The following SECISBP2L variants were observed in gnomAD, a reference collection of about 807,000 sequenced individuals.
SECISBP2L encodes SECIS binding protein 2 like, also known as selenocysteine insertion sequence-binding protein 2-like.
SECISBP2L carries 43 observed loss-of-function variants against 114.7 expected under a neutral mutation model. The observed-to-expected ratio is 0.38, with a 90% CI of 0.29 to 0.48. The LOEUF is 0.48. Among genes scored for constraint, SECISBP2L ranks in the 20% least tolerant of loss-of-function variants. The pLI is 0.98. For synonymous variants in SECISBP2L, 451 were observed against 439.7 expected (o/e 1.03, Z -0.32); for missense variants, 1,136 against 1,301.1 (o/e 0.87, Z 1.95).
chr15:49,042,559 C>T (rs755863972), intron 1 of SECISBP2L: 1 of 152,194 alleles, frequency 6.6e-6, no homozygotes, highest in Non-Finnish European at 1.5e-5. Context: ...CACTACAGTC[C>T]AGAACACCGA....
intron 1 of SECISBP2L, among the ~76,000 whole-genome samples, chr15:49,040,559 G>A (rs1418689760): frequency 5.3e-5 from 5 of 94,964 alleles, no homozygotes; most frequent in Non-Finnish European, 8.4e-5. Flanking sequence ...TTTTTGAGAC[G>A]GAGTCTTGCT....
At chr15:49,012,561 GC>G in intron 12 of SECISBP2L, 86 bp downstream of exon 12, 1 of 1,364,916 alleles carries the variant, frequency 7.3e-7, no homozygotes, top group Non-Finnish European at 1.0e-6. Flanking sequence ...CAATCTGTTG[GC>G]TAAGACACCA....
chr15:48,992,231 G>T lies in SECISBP2L; in HGVS notation c.*13C>A. 6.3e-7 allele frequency: 1 copy of T among 1,580,344 alleles called. No homozygotes were observed. The highest frequency in any genetic ancestry group is 1.1e-5 in the South Asian group (1 of 87,456). ...CTTCCACAGCTGGAGATAGAGAGCC[G>T]ACATTTCCTGAGTTACGTAGTTTGC... On this transcript the variant is annotated 3_prime_UTR_variant, in exon 18 of 18. Transcript: ENST00000559471.
intron 7 of SECISBP2L, among the ~76,000 whole-genome samples, chr15:49,025,249 C>A (rs1902717284): frequency 6.6e-6 from 1 of 151,768 alleles, no homozygotes; most frequent in Non-Finnish European, 1.5e-5. Flanking sequence ...TTTTTGACAG[C>A]CTAATTAATG....
chr15:49,008,641 A>G (rs1177767061), intron 14 of SECISBP2L, among the ~76,000 whole-genome samples: 1 of 152,208 alleles, frequency 6.6e-6, no homozygotes, highest in Non-Finnish European at 1.5e-5. Flanking sequence ...ATTCTTTCAT[A>G]TGTCATTTTT....
Position 49,016,945 on chromosome 15 carries a change from G to A in SECISBP2L, c.1322C>T (p.Pro441Leu). ...QTPIPITTSVPKRAKSQKKKA... is the reference protein window; with the variant it reads ...QTPIPITTSVLKRAKSQKKKA... ...CTTCTTCTGACTTTTTGCACGTTTGGGAACTGAGGTGGTAATAGGAATTGG... is the reference window on the plus strand; with the variant it reads ...CTTCTTCTGACTTTTTGCACGTTTGAGAACTGAGGTGGTAATAGGAATTGG... The change falls in exon 10 of 18, where the codon CCC becomes CTC. Residue 441 changes from proline to leucine, a missense_variant. Pro to Leu is a moderately conservative substitution (Grantham distance 98). Coordinates refer to ENST00000559471, the MANE Select transcript of SECISBP2L (RefSeq NM_001193489.2). 1 of 1,613,968 alleles carries A rather than the reference G, an allele frequency of 6.2e-7. No individual in the cohort carries two copies. The highest frequency in any genetic ancestry group is 8.5e-7 in the Non-Finnish European group (1 of 1,179,932).
intron 14 of SECISBP2L, among the ~76,000 whole-genome samples, chr15:49,001,503 G>A (rs1902209146): frequency 6.7e-6 from 1 of 149,726 alleles, no homozygotes; most frequent in Admixed American, 6.6e-5. Context: ...CTGGGATACA[G>A]GTGCAGAACA....
intron 14 of SECISBP2L, among the ~76,000 whole-genome samples, chr15:49,007,976 T>C (rs995379968): frequency 2.6e-5 from 4 of 152,210 alleles, no homozygotes; most frequent in African/African-American, 9.6e-5. Flanking sequence ...TGAGATTATG[T>C]ATGACTATAG....
At chr15:49,006,480 G>C (rs1029411955) in intron 14 of SECISBP2L, among the ~76,000 whole-genome samples, 2 of 151,934 alleles carry the variant, frequency 1.3e-5, no homozygotes, top group African/African-American at 4.8e-5. Flanking sequence ...TTGTCTTCAC[G>C]ATTTATTTCA....
intron 11 of SECISBP2L, among the ~76,000 whole-genome samples, chr15:49,015,840 T>C (rs985750655): frequency 1.3e-5 from 2 of 152,058 alleles, no homozygotes; most frequent in African/African-American, 4.8e-5. Flanking sequence ...AGAAAAAAAT[T>C]TGGGTGAGTC....
intron 17 of SECISBP2L, 120 bp from the exon 18 acceptor site, chr15:48,993,046 G>T: frequency 1.1e-6 from 1 of 872,046 alleles, no homozygotes; most frequent in Non-Finnish European, 1.7e-6. Context: ...CTTAGAAACT[G>T]ACTGGAAAAA....
At chr15:49,023,662 T>C (rs1321283054) in intron 7 of SECISBP2L, among the ~76,000 whole-genome samples, 1 of 152,230 alleles carries the variant, frequency 6.6e-6, no homozygotes, top group African/African-American at 2.4e-5. Context: ...AACAAGATTA[T>C]ATCCACACAA....
At chr15:49,027,511 T>G (rs1236276835) in intron 6 of SECISBP2L, 31 bp from the exon 7 acceptor site, 1 of 1,395,220 alleles carries the variant, frequency 7.2e-7, no homozygotes. Flanking sequence ...AATTATAATT[T>G]ACTTATAAAA....
intron 12 of SECISBP2L, 89 bp downstream of exon 12, chr15:49,012,559 T>C (rs984747677): frequency 7.5e-7 from 1 of 1,331,286 alleles, no homozygotes; most frequent in Admixed American, 2.0e-5. Flanking sequence ...AACAATCTGT[T>C]GGCTAAGACA....
chr15:49,023,055 T>G (rs1902672487), intron 7 of SECISBP2L, among the ~76,000 whole-genome samples: 1 of 151,290 alleles, frequency 6.6e-6, no homozygotes, highest in African/African-American at 2.4e-5. Context: ...TAAAGTCAAT[T>G]TATAAATATA....
intron 2 of SECISBP2L, among the ~76,000 whole-genome samples, chr15:49,036,049 C>G (rs141926415): frequency 7.2e-4 from 109 of 152,318 alleles, no homozygotes; most frequent in African/African-American, 2.6e-3. Context: ...CTGTAAAGAA[C>G]AGAGTAAAGT....
rs1901915273 is a variant in SECISBP2L at position 48,989,000 on chromosome 15, G to C, written c.*3244C>G. ...TGTATGTAAAGGTTGGAAGGGATGA[G>C]GGAGGAGGAAGATGTCTGTAAATAA... On this transcript the variant is annotated 3_prime_UTR_variant, in exon 18 of 18. Coordinates refer to ENST00000559471, the MANE Select transcript of SECISBP2L (RefSeq NM_001193489.2). 6.5e-6 allele frequency: 1 copy of C among 152,892 alleles called. No homozygotes were observed. Among genetic ancestry groups the C allele is most frequent in the Non-Finnish European group, 1.5e-5 (1 of 68,366 alleles). The allele number at this position is 152,892 out of a possible 1,614,324, so 9.5% of individuals were successfully genotyped here. A position where few individuals can be genotyped will look rare whatever the true frequency, so the allele number is the denominator to read the frequency against.
chr15:48,993,100 A>AGTGTGT lies in SECISBP2L; in HGVS notation c.2624-180_2624-175dup, dbSNP rs71120653. ...TAGTACTAGTTTGAGACAGAGAGAG[A>AGTGTGT]GTGTGTGTGTGTGTGTGTGTGTGTG... On this transcript the variant is annotated intron_variant, in intron 17 of 17. Transcript: ENST00000559471. 9.0e-3 allele frequency among the ~76,000 whole-genome samples: 1,253 copies of AGTGTGT among 139,184 alleles called. 23 individuals are homozygous for AGTGTGT. Among genetic ancestry groups the AGTGTGT allele is most frequent in the African/African-American group, 0.032 (1,138 of 35,396 alleles). The allele number at this position is 139,184 out of a possible 152,430, so 91.3% of individuals were successfully genotyped here.
At position 48,989,065 on chromosome 15, in the gene SECISBP2L, A is replaced by G. The variant is rs1436268544; in HGVS notation, c.*3179T>C. The stretch of plus-strand genomic sequence containing the variant: ...TTTTTTTAAATCAAAAAAAGATAAA[A>G]ATTTTTAAATGAGTTGATGTTCTAA... On this transcript the variant is annotated 3_prime_UTR_variant, in exon 18 of 18. Coordinates refer to ENST00000559471, the MANE Select transcript of SECISBP2L (RefSeq NM_001193489.2). 1 of 152,684 alleles carries G rather than the reference A, an allele frequency of 6.5e-6. No homozygotes were observed. Among genetic ancestry groups the G allele is most frequent in the Non-Finnish European group, 1.5e-5 (1 of 68,268 alleles). 9.5% of individuals were successfully genotyped at this position (152,684 alleles called of 1,614,324 possible).
Sources: allele counts gnomAD v4.1 joint callset (sites outside exome capture counted in the v4.1 genomes callset), GRCh38; gene constraint gnomAD v4.1.1; transcripts MANE v1.5; gene names NCBI Gene and HGNC (gene_info 2026-07-23, HGNC 2026-07-21).